ODF2L: variants seen among roughly 807,000 people sequenced by gnomAD.
ODF2L encodes the protein outer dense fiber of sperm tails 2 like.
In ODF2L, 76 loss-of-function variants were observed where a neutral mutation model predicts 86.3. The observed-to-expected ratio is 0.88, with a 90% CI of 0.73 to 1.07. The LOEUF is 1.07. ODF2L is among the 50% of genes least tolerant of loss of function. The pLI is 0.00. For missense variants in ODF2L, 748 were observed against 717.4 expected, an observed-to-expected ratio of 1.04 and a Z score of -0.49; for synonymous variants, 241 against 231.3, an observed-to-expected ratio of 1.04 and a Z score of -0.38.
intron 13 of ODF2L, among the ~76,000 whole-genome samples, chr1:86,357,171 C>G (rs2100788339): frequency 6.6e-6 from 1 of 152,234 alleles, no homozygotes; most frequent in African/African-American, 2.4e-5. Flanking sequence ...CTACATTAAT[C>G]TGTTTTGGCT....
chr1:86,367,827 C>A (rs1374759530), intron 11 of ODF2L, among the ~76,000 whole-genome samples: 2 of 152,090 alleles, frequency 1.3e-5, no homozygotes, highest in East Asian at 1.9e-4. Context: ...GGAGAACAGA[C>A]AAAGAACAGA....
chr1:86,384,511 T>G (rs1003264408), intron 4 of ODF2L, among the ~76,000 whole-genome samples, 165 bp downstream of exon 4: 2 of 151,882 alleles, frequency 1.3e-5, no homozygotes, highest in South Asian at 2.1e-4. Flanking sequence ...GTGGTGTTCA[T>G]ATACAACTAC....
chr1:86,382,068 G>T, intron 7 of ODF2L, 174 bp downstream of exon 7: 1 of 859,918 alleles, frequency 1.2e-6, no homozygotes, highest in African/African-American at 1.8e-5. Flanking sequence ...GTTGAAATTT[G>T]TACCCAAACC....
intron 8 of ODF2L, 59 bp downstream of exon 8, chr1:86,376,174 A>G (rs1472074219): frequency 1.1e-6 from 1 of 888,326 alleles, no homozygotes; most frequent in East Asian, 2.7e-5. Context: ...CATGATATTA[A>G]TTATATAAAC....
At chr1:86,388,554 TATA>T (rs1486070622) in intron 1 of ODF2L, among the ~76,000 whole-genome samples, 2 of 151,936 alleles carry the variant, frequency 1.3e-5, no homozygotes, top group African/African-American at 2.4e-5. Context: ...TTTTAAAGAA[TATA>T]ATGACTAAAG....
chr1:86,383,173 C>A (rs760485591), exon 5 of ODF2L: 1 of 1,575,728 alleles, frequency 6.3e-7, no homozygotes, highest in South Asian at 1.2e-5. Flanking sequence ...TTTCTAGCAA[C>A]ATGCTGGATA....
intron 9 of ODF2L, 124 bp from the exon 10 acceptor site, chr1:86,371,277 A>C: frequency 2.1e-6 from 1 of 480,830 alleles, no homozygotes; most frequent in Non-Finnish European, 3.6e-6. Context: ...AATATACAAA[A>C]AATAAATAGA....
intron 8 of ODF2L, among the ~76,000 whole-genome samples, chr1:86,373,588 T>C (rs1659961686): frequency 6.6e-6 from 1 of 151,600 alleles, no homozygotes; most frequent in Non-Finnish European, 1.5e-5. Flanking sequence ...AGAGACAGCA[T>C]CTTGTTATGT....
chr1:86,376,557 G>A (rs377626270), intron 7 of ODF2L, 139 bp from the exon 8 acceptor site: 3 of 490,136 alleles, frequency 6.1e-6, no homozygotes, highest in Non-Finnish European at 1.1e-5. Context: ...CCTAGACTGA[G>A]TAATTTATAA....
At chr1:86,371,661 T>A (rs2181417) in intron 9 of ODF2L, among the ~76,000 whole-genome samples, 1,740 of 152,276 alleles carry the variant, frequency 0.011, 82 homozygotes, top group East Asian at 0.11. Flanking sequence ...TTTCAAATAA[T>A]AAAATATATG....
At chr1:86,374,672 A>G (rs1439546605) in intron 8 of ODF2L, among the ~76,000 whole-genome samples, 3 of 152,144 alleles carry the variant, frequency 2.0e-5, no homozygotes, top group African/African-American at 7.2e-5. Flanking sequence ...ATAAAGCAAA[A>G]TACCCCTTTT....
intron 1 of ODF2L, among the ~76,000 whole-genome samples, chr1:86,388,446 T>C (rs2101499872): frequency 6.6e-6 from 1 of 152,170 alleles, no homozygotes; most frequent in South Asian, 2.1e-4. Context: ...TGGACTGGAA[T>C]CTCAAGAAAG....
chr1:86,365,699 T>A (rs1206829847), intron 11 of ODF2L, among the ~76,000 whole-genome samples: 2 of 152,114 alleles, frequency 1.3e-5, no homozygotes, highest in Non-Finnish European at 2.9e-5. Flanking sequence ...GGACAAAATA[T>A]TGTTAATGCT....
At chr1:86,353,258 A>G (rs1232520502) in intron 16 of ODF2L, among the ~76,000 whole-genome samples, 1 of 152,202 alleles carries the variant, frequency 6.6e-6, no homozygotes, top group East Asian at 1.9e-4. Context: ...CCAACAGTAT[A>G]TTTTAAAAAC....
At position 86,370,252 on chromosome 1, in the gene ODF2L, T is replaced by C. The variant is rs549869734; in HGVS notation, c.1056+766A>G. On this transcript the variant is annotated intron_variant, in intron 10 of 17. Coordinates refer to ENST00000317336, the Ensembl canonical transcript of ODF2L. ...CATGTCTTAAGGACATCTTAATACA[T>C]AGAATAAATGTATTATCATTTAGTT... Among the ~76,000 whole-genome samples, 28 of 152,216 alleles carry C rather than the reference T, an allele frequency of 1.8e-4. No individual in the cohort carries two copies. In the South Asian group the frequency reaches 2.5e-3, roughly 14 times the overall value.
Position 86,361,977 on chromosome 1 carries a change from G to C in ODF2L, c.1144-1441C>G, listed in dbSNP as rs556385846. Among the ~76,000 whole-genome samples, 5 of 152,314 alleles carry C rather than the reference G, an allele frequency of 3.3e-5. 1 individual carries two copies. The South Asian group carries it at 1.0e-3, about 32-fold the overall frequency. ...AATACATCAAACACAAAAGCAGCTA[G>C]GAATGACATGTGGGCGAAGGCCTCC... On this transcript the variant is annotated intron_variant, in intron 11 of 17. Transcript: ENST00000317336.
At chr1:86,395,803 G>C (rs1034017749) in intron 1 of ODF2L, 2 of 152,252 alleles carry the variant, frequency 1.3e-5, no homozygotes, top group Admixed American at 1.3e-4. Flanking sequence ...TGATGTCCCG[G>C]GGACCACACC....
intron 6 of ODF2L, 139 bp from the exon 7 acceptor site, chr1:86,382,497 C>T (rs1660657184): frequency 5.8e-6 from 8 of 1,387,930 alleles, no homozygotes; most frequent in East Asian, 2.5e-5. Context: ...CATAAACTGC[C>T]GCCCCTATTA....
At chr1:86,384,593 A>C in intron 4 of ODF2L, 83 bp downstream of exon 4, 1 of 903,576 alleles carries the variant, frequency 1.1e-6, no homozygotes, top group Non-Finnish European at 1.5e-6. Flanking sequence ...AAATATACCA[A>C]TAATTTCTAC....
Sources: gnomAD v4.1 joint callset for allele counts (sites outside exome capture counted in the v4.1 genomes callset) on GRCh38, gnomAD v4.1.1 for gene constraint, MANE v1.5 for transcripts, NCBI Gene and HGNC (gene_info 2026-07-23, HGNC 2026-07-21) for gene names.